FOXN3: variants seen among roughly 807,000 people sequenced by gnomAD.
FOXN3 encodes the protein forkhead box protein N3.
In FOXN3, 7 loss-of-function variants were observed where a neutral mutation model predicts 38.4. The ratio of observed to expected loss-of-function variants is 0.18; its 90% CI spans 0.10 to 0.34. The LOEUF is 0.34. Ranked by LOEUF, FOXN3 falls within the 10% of genes least tolerant of loss-of-function variation. The pLI, the probability that FOXN3 is intolerant of heterozygous loss-of-function variation, is 1.00. For missense variants in FOXN3, 456 were observed against 613.4 expected (o/e 0.74, Z 2.71); for synonymous variants, 230 against 242.2 (o/e 0.95, Z 0.47).
At position 89,412,254 on chromosome 14, in the gene FOXN3, T is replaced by C; in HGVS notation, c.223A>G (p.Ser75Gly). 1 of 1,614,038 alleles carries C rather than the reference T, an allele frequency of 6.2e-7. No individual in the cohort carries two copies. Among genetic ancestry groups the C allele is most frequent in the Non-Finnish European group, 8.5e-7 (1 of 1,180,022 alleles). Residue 75 changes from serine to glycine, a missense_variant, in exon 2 of 6, where the codon AGC becomes GGC. This residue lies in a region of FOXN3 where 11 missense variants were observed against 39.2 expected (regional missense o/e 0.28). Coordinates refer to ENST00000557258, the MANE Select transcript of FOXN3 (RefSeq NM_005197.4). The surrounding 1 kb of genome is among the most constrained non-coding windows in gnomAD (Gnocchi z 4.7). ...WLHESKNLLK[S>G]FGESVLRSVS... ...CTCCTGAGGACCGACTCCCCAAAGCTCTTCAGCAAGTTCTTGCTCTCGTGC... is the reference window on the plus strand; with the variant it reads ...CTCCTGAGGACCGACTCCCCAAAGCCCTTCAGCAAGTTCTTGCTCTCGTGC...
chr14:89,171,634 A>C (rs963115526), intron 5 of FOXN3, among the ~76,000 whole-genome samples: 10 of 152,218 alleles, frequency 6.6e-5, no homozygotes, highest in African/African-American at 2.4e-4. Flanking sequence ...AAAAAAAAGA[A>C]AGAAAAATTT....
intron 2 of FOXN3, among the ~76,000 whole-genome samples, chr14:89,366,319 T>C (rs1173581646): frequency 1.3e-5 from 2 of 152,124 alleles, no homozygotes; most frequent in Non-Finnish European, 2.9e-5. Context: ...TTTTGTCTCC[T>C]GATAGGAAAC....
At chr14:89,221,949 A>C (rs1458098054) in intron 4 of FOXN3, among the ~76,000 whole-genome samples, 1 of 152,026 alleles carries the variant, frequency 6.6e-6, no homozygotes, top group East Asian at 1.9e-4. Context: ...CAGCCTTCCA[A>C]GTAGCTGGGA....
intron 4 of FOXN3, among the ~76,000 whole-genome samples, chr14:89,251,778 A>G (rs1885463453): frequency 6.6e-6 from 1 of 152,236 alleles, no homozygotes; most frequent in Admixed American, 6.5e-5. Flanking sequence ...AATCATTACT[A>G]TAAACAAATA....
intron 3 of FOXN3, among the ~76,000 whole-genome samples, chr14:89,302,553 AC>A (rs1158505998): frequency 6.6e-6 from 1 of 152,188 alleles, no homozygotes; most frequent in Non-Finnish European, 1.5e-5. Context: ...TTTGGAGGAA[AC>A]TGACTCACAC....
chr14:89,611,136 G>C (rs75418489), intron 1 of FOXN3, among the ~76,000 whole-genome samples: 5,538 of 152,240 alleles, frequency 0.036, 148 homozygotes, highest in African/African-American at 0.078. Flanking sequence ...CTCTTGCTTA[G>C]ATGAAAAAAT....
chr14:89,195,209 A>T (rs1437883381), intron 4 of FOXN3, among the ~76,000 whole-genome samples: 1 of 151,690 alleles, frequency 6.6e-6, no homozygotes, highest in Non-Finnish European at 1.5e-5. Context: ...CAGTCCCCTC[A>T]CCCCAAACAC....
At chr14:89,364,024 G>A (rs1890050135) in intron 2 of FOXN3, among the ~76,000 whole-genome samples, 1 of 137,556 alleles carries the variant, frequency 7.3e-6, no homozygotes, top group African/African-American at 3.0e-5. Flanking sequence ...AAAATGTTTA[G>A]CAAGTGACTG....
rs1388936175 is a variant in FOXN3, at chr14:89,241,386, G to A, written c.745+39564C>T. Among the ~76,000 whole-genome samples, 2 of 152,248 alleles carry A rather than the reference G, an allele frequency of 1.3e-5. 1 individual carries two copies. Among genetic ancestry groups the A allele is most frequent in the South Asian group, 4.1e-4 (2 of 4,824 alleles). ...TGCTCTCTGTGCATGCTCATGAGGT[G>A]GCCACCGTGAGCTTGTGAAAATTCA... On this transcript the variant is annotated intron_variant, in intron 4 of 5. Coordinates refer to ENST00000557258, the MANE Select transcript of FOXN3 (RefSeq NM_005197.4).
intron 1 of FOXN3, among the ~76,000 whole-genome samples, chr14:89,488,120 T>C (rs1893489045): frequency 6.6e-6 from 1 of 151,006 alleles, no homozygotes; most frequent in African/African-American, 2.4e-5. Flanking sequence ...AGAGTCTCTA[T>C]TGCCCAGACT....
At chr14:89,596,582 G>A (rs1487644151) in intron 1 of FOXN3, among the ~76,000 whole-genome samples, 2 of 152,104 alleles carry the variant, frequency 1.3e-5, no homozygotes, top group Non-Finnish European at 2.9e-5. Context: ...CAATTCTCTA[G>A]TGGAGAGTTT....
At chr14:89,382,064 C>T (rs1417438780) in intron 2 of FOXN3, among the ~76,000 whole-genome samples, 1 of 152,032 alleles carries the variant, frequency 6.6e-6, no homozygotes, top group African/African-American at 2.4e-5. Context: ...TCACCTTGCC[C>T]CACTGCTTGT....
chr14:89,195,812 T>A (rs113151091), intron 4 of FOXN3, among the ~76,000 whole-genome samples: 3,380 of 152,152 alleles, frequency 0.022, 51 homozygotes, highest in Middle Eastern at 0.034. Flanking sequence ...CCTTTTAAAT[T>A]TTTGGATGGG....
In FOXN3 at chr14:89,295,620, C is replaced by T. The variant is rs184909683; in HGVS notation, c.681-14606G>A. Among the ~76,000 whole-genome samples, 43 of 152,078 alleles carry T rather than the reference C, an allele frequency of 2.8e-4. 1 individual carries two copies. The Middle Eastern group carries it at 0.027, about 96-fold the overall frequency. ...TTTGAGGCAGGGTCTCACTCTGTCA[C>T]TCTGTCACCCAGGCTGGAGTGCAGT... On this transcript the variant is annotated intron_variant, in intron 3 of 5. Coordinates refer to ENST00000557258, the MANE Select transcript of FOXN3 (RefSeq NM_005197.4).
chr14:89,206,034 C>T (rs2139825481), intron 4 of FOXN3, among the ~76,000 whole-genome samples: 1 of 152,354 alleles, frequency 6.6e-6, no homozygotes, highest in South Asian at 2.1e-4. Context: ...AGAAGATGCC[C>T]TCTAGAACCA....
intron 3 of FOXN3, among the ~76,000 whole-genome samples, chr14:89,286,191 G>A (rs1886624481): frequency 6.6e-6 from 1 of 151,978 alleles, no homozygotes; most frequent in South Asian, 2.1e-4. Flanking sequence ...AGAGGAGTAG[G>A]GAGGGAAGAA....
At chr14:89,394,398 G>A (rs1459852109) in intron 2 of FOXN3, among the ~76,000 whole-genome samples, 1 of 151,726 alleles carries the variant, frequency 6.6e-6, no homozygotes, top group Non-Finnish European at 1.5e-5. Flanking sequence ...GTAGAGATGG[G>A]GTTTCGCCAT....
intron 3 of FOXN3, among the ~76,000 whole-genome samples, chr14:89,304,880 T>C (rs1887325989): frequency 1.4e-5 from 2 of 146,628 alleles, no homozygotes; most frequent in South Asian, 4.3e-4. Context: ...TTTAAAAACA[T>C]ATACCCAGAG....
chr14:89,322,587 A>C (rs1265359070), intron 3 of FOXN3, among the ~76,000 whole-genome samples: 1 of 152,196 alleles, frequency 6.6e-6, no homozygotes. Context: ...TAGTCAAAAA[A>C]TGAAGGACAT....
Sources: gnomAD v4.1 joint callset for allele counts (sites outside exome capture counted in the v4.1 genomes callset) on GRCh38, gnomAD v4.1.1 for gene constraint, gnomAD v4.1.1 regional missense constraint, Gnocchi (gnomAD v3.1) non-coding constraint, MANE v1.5 for transcripts, NCBI Gene and HGNC (gene_info 2026-07-23, HGNC 2026-07-21) for gene names.